The following DOCK10 variants were observed in gnomAD, a reference collection of about 807,000 sequenced individuals.
DOCK10 encodes dedicator of cytokinesis 10.
In DOCK10, 145 loss-of-function variants were observed where a neutral mutation model predicts 280.1. The observed-to-expected ratio is 0.52, with a 90% confidence interval of 0.45 to 0.59. The LOEUF (loss-of-function observed/expected upper bound fraction) is 0.59. Among genes scored for constraint, DOCK10 ranks in the 20% least tolerant of loss-of-function variants. The pLI, the probability that DOCK10 is intolerant of heterozygous loss-of-function variation, is 0.00. For missense variants in DOCK10, 2,368 were observed against 2,651.7 expected (o/e 0.89, Z 2.35); for synonymous variants, 915 against 942.2 (o/e 0.97, Z 0.53).
intron 1 of DOCK10, among the ~76,000 whole-genome samples, chr2:224,996,016 A>G (rs1315852434): frequency 6.6e-6 from 1 of 152,230 alleles, no homozygotes; most frequent in East Asian, 1.9e-4. Context: ...GGGTAATTTG[A>G]GTCAACTAGT....
intron 1 of DOCK10, among the ~76,000 whole-genome samples, chr2:225,009,084 C>T (rs1443933429): frequency 6.6e-6 from 1 of 152,108 alleles, no homozygotes; most frequent in African/African-American, 2.4e-5. Flanking sequence ...GGCCAGCAGC[C>T]AACATTGGAA....
At chr2:224,810,270 G>T (rs928763305) in intron 31 of DOCK10, among the ~76,000 whole-genome samples, 6 of 152,026 alleles carry the variant, frequency 3.9e-5, no homozygotes, top group Non-Finnish European at 7.4e-5. Flanking sequence ...CTAAGTTTCT[G>T]CAAAAAAATT....
chr2:224,938,438 C>T (rs1330454444), intron 1 of DOCK10, among the ~76,000 whole-genome samples: 1 of 152,060 alleles, frequency 6.6e-6, no homozygotes, highest in African/African-American at 2.4e-5. Context: ...ACACCACATG[C>T]TAATTCTTTT....
chr2:224,765,574 G>A lies in DOCK10; in HGVS notation c.*147C>T. 1 of 572,172 alleles carries A rather than the reference G, an allele frequency of 1.7e-6. No homozygotes were observed. Among genetic ancestry groups the A allele is most frequent in the East Asian group, 3.0e-5 (1 of 33,036 alleles). 35.4% of individuals were successfully genotyped at this position (572,172 alleles called of 1,614,324 possible). A position where few individuals can be genotyped will look rare whatever the true frequency, so the allele number is the denominator to read the frequency against. On this transcript the variant is annotated 3_prime_UTR_variant, in exon 56 of 56. Coordinates refer to ENST00000258390, the MANE Select transcript of DOCK10 (RefSeq NM_014689.3). ...ATTATACAAAATGTGCAAATTCAGA[G>A]GTTGGCAAAATTCTGAAGCTAGCGA...
chr2:224,883,922 G>T (rs1699118947), intron 7 of DOCK10, among the ~76,000 whole-genome samples: 1 of 152,168 alleles, frequency 6.6e-6, no homozygotes, highest in Non-Finnish European at 1.5e-5. Flanking sequence ...ATTTGCTAGA[G>T]AAAGCTTTCA....
intron 16 of DOCK10, 57 bp downstream of exon 16, chr2:224,854,906 C>A: frequency 7.3e-7 from 1 of 1,362,546 alleles, no homozygotes. Flanking sequence ...CAAAACAAAC[C>A]CACTAAATAT....
chr2:225,040,839 C>T lies in DOCK10; in HGVS notation c.123+1413G>A, dbSNP rs78822207. ...AGATTTTCTTATCTCTACTTTTACT[C>T]GAATTGAATCTTTTCTTCTAATGTT... On this transcript the variant is annotated intron_variant, in intron 1 of 55. Transcript: ENST00000258390. Among the ~76,000 whole-genome samples, 40 of 152,264 alleles carry T rather than the reference C, an allele frequency of 2.6e-4. No homozygotes were observed. The East Asian group carries it at 5.4e-3, about 21-fold the overall frequency.
chr2:225,038,887 C>A (rs1690336819), intron 1 of DOCK10, among the ~76,000 whole-genome samples: 1 of 152,064 alleles, frequency 6.6e-6, no homozygotes, highest in Admixed American at 6.6e-5. Context: ...TTGCACTAAC[C>A]CACCTAAAAC....
At chr2:225,013,699 G>A (rs1477623839) in intron 1 of DOCK10, among the ~76,000 whole-genome samples, 2 of 152,160 alleles carry the variant, frequency 1.3e-5, no homozygotes, top group African/African-American at 4.8e-5. Context: ...TTAAGAACAG[G>A]CTTGAGTGAA....
intron 3 of DOCK10, among the ~76,000 whole-genome samples, chr2:224,908,365 C>A (rs1287646978): frequency 1.4e-5 from 2 of 143,852 alleles, no homozygotes; most frequent in Non-Finnish European, 3.0e-5. Context: ...TTTTCCTTGC[C>A]CCGGTAGCCT....
intron 3 of DOCK10, among the ~76,000 whole-genome samples, chr2:224,910,132 C>T (rs1424042501): frequency 6.6e-6 from 1 of 152,162 alleles, no homozygotes; most frequent in African/African-American, 2.4e-5. Context: ...CACAGTGAGC[C>T]GCAGGGCAAT....
chr2:224,843,716 TA>T, intron 22 of DOCK10, among the ~76,000 whole-genome samples: 1 of 152,368 alleles, frequency 6.6e-6, no homozygotes, highest in East Asian at 1.9e-4. Context: ...TATGTACTTA[TA>T]ATAATGTATA....
intron 3 of DOCK10, among the ~76,000 whole-genome samples, chr2:224,908,177 T>C (rs543439824): frequency 0.011 from 1,174 of 107,670 alleles, 17 homozygotes; most frequent in African/African-American, 0.035. Flanking sequence ...TGTGTGTGTG[T>C]GTGTGTATGT....
intron 23 of DOCK10, among the ~76,000 whole-genome samples, chr2:224,841,342 T>C (rs1274792122): frequency 6.6e-6 from 1 of 152,220 alleles, no homozygotes; most frequent in Non-Finnish European, 1.5e-5. Flanking sequence ...CCAAACATCA[T>C]ACTGTATACA....
At chr2:224,836,910 T>TA (rs397967059) in intron 25 of DOCK10, among the ~76,000 whole-genome samples, 1 of 152,104 alleles carries the variant, frequency 6.6e-6, no homozygotes, top group African/African-American at 2.4e-5. Context: ...ATTTTTTTTT[T>TA]AACAAGTTTC....
chr2:224,831,554 G>A (rs551700234), intron 26 of DOCK10, among the ~76,000 whole-genome samples: 125 of 152,326 alleles, frequency 8.2e-4, no homozygotes, highest in African/African-American at 3.0e-3. Context: ...CAAAACTTAT[G>A]TCACCTAAAT....
At chr2:225,031,456 G>A (rs776735714) in intron 1 of DOCK10, among the ~76,000 whole-genome samples, 1 of 152,236 alleles carries the variant, frequency 6.6e-6, no homozygotes, top group Non-Finnish European at 1.5e-5. Context: ...TGGGCACAGG[G>A]CCGAAGGACG....
intron 2 of DOCK10, among the ~76,000 whole-genome samples, chr2:224,929,199 A>G (rs1219559038): frequency 1.3e-5 from 2 of 152,214 alleles, no homozygotes; most frequent in African/African-American, 2.4e-5. Context: ...TATCTGGTAA[A>G]TTAATTGGTT....
intron 3 of DOCK10, among the ~76,000 whole-genome samples, chr2:224,908,451 G>GTA (rs1009612947): frequency 2.8e-5 from 4 of 144,790 alleles, no homozygotes; most frequent in Non-Finnish European, 4.6e-5. Context: ...GTGTGTGTGT[G>GTA]TACATGTGTA....
Sources: gnomAD v4.1 joint callset for allele counts (sites outside exome capture counted in the v4.1 genomes callset) on GRCh38, gnomAD v4.1.1 for gene constraint, MANE v1.5 for transcripts, NCBI Gene and HGNC (gene_info 2026-07-23, HGNC 2026-07-21) for gene names.